The following ROBO1 variants were observed in gnomAD, a reference collection of about 807,000 sequenced individuals.
ROBO1 encodes the protein roundabout guidance receptor 1, also known as roundabout homolog 1.
A neutral mutation model predicts 195.9 loss-of-function variants in ROBO1; 149 were observed. That is an observed-to-expected ratio of 0.76 (90% CI 0.67 to 0.87). ROBO1 has a LOEUF of 0.87. Among genes scored for constraint, ROBO1 ranks in the 40% least tolerant of loss-of-function variants. The pLI, the probability that ROBO1 is intolerant of heterozygous loss-of-function variation, is 0.00. For synonymous variants in ROBO1, 816 were observed against 733.2 expected, an observed-to-expected ratio of 1.11 and a Z score of -1.82; for missense variants, 1,933 against 2,068.3, an observed-to-expected ratio of 0.93 and a Z score of 1.27.
chr3:79,099,180 C>T (rs2079628418), intron 3 of ROBO1, among the ~76,000 whole-genome samples: 2 of 151,608 alleles, frequency 1.3e-5, no homozygotes, highest in Admixed American at 6.6e-5. Flanking sequence ...CTTTTTCTGC[C>T]TCTAGATTGG....
At chr3:78,665,741 C>T (rs1364707359) in intron 14 of ROBO1, among the ~76,000 whole-genome samples, 1 of 152,016 alleles carries the variant, frequency 6.6e-6, no homozygotes, top group African/African-American at 2.4e-5. Context: ...TGTTTAGCCC[C>T]ATTTTATAGG....
rs200590399 is a variant in ROBO1 at position 78,614,723 on chromosome 3, C to A, written c.4360G>T (p.Val1454Leu). The A allele has an allele frequency of 1.3e-3, 2,139 of 1,613,088 alleles. 2 individuals are homozygous for A. Among genetic ancestry groups the A allele is most frequent in the Non-Finnish European group, 1.4e-3 (1,684 of 1,179,766 alleles). Residue 1454 changes from valine to leucine, a missense_variant, in exon 28 of 31, where the codon GTA becomes TTA. By Grantham distance (32) the Val-to-Leu change is conservative. Coordinates refer to ENST00000464233, the MANE Select transcript of ROBO1 (RefSeq NM_002941.4). The part of the protein sequence containing the change: ...VSTDSNMSAA[V>L]MQKTRPAKKL... Reference sequence around the variant, plus strand: ...TTGGCTGGTCTGGTTTTCTGCATTACGGCGGCACTCATGTTGCTGTCTGTA... The same window carrying A: ...TTGGCTGGTCTGGTTTTCTGCATTAAGGCGGCACTCATGTTGCTGTCTGTA...
chr3:78,628,173 C>T (rs1704936817), intron 25 of ROBO1, among the ~76,000 whole-genome samples: 1 of 152,056 alleles, frequency 6.6e-6, no homozygotes, highest in African/African-American at 2.4e-5. Flanking sequence ...AGGCTGGTCT[C>T]GAACTGCTGA....
intron 8 of ROBO1, among the ~76,000 whole-genome samples, chr3:78,701,330 GT>G (rs1455106304): frequency 6.6e-6 from 1 of 152,122 alleles, no homozygotes; most frequent in Non-Finnish European, 1.5e-5. Context: ...AAAATAACTT[GT>G]TCTGCATTTT....
At chr3:78,919,263 T>C (rs2038805797) in intron 4 of ROBO1, among the ~76,000 whole-genome samples, 2 of 152,146 alleles carry the variant, frequency 1.3e-5, no homozygotes. Flanking sequence ...GCTTAGACAG[T>C]GCAAGGCCAG....
rs995087622 is a variant in ROBO1, at chr3:79,055,118, T to C, written c.172+70338A>G. Among the ~76,000 whole-genome samples the C allele has an allele frequency of 6.6e-5, 10 of 152,072 alleles. No individual in the cohort carries two copies. The East Asian group carries it at 1.9e-3, about 30-fold the overall frequency. Reference sequence around the variant, plus strand: ...AAGGTTTGGTGGGCCTGGTGTTAGGTGGGGCATCCACCTCTGCTAAAGGAA... The same window carrying C: ...AAGGTTTGGTGGGCCTGGTGTTAGGCGGGGCATCCACCTCTGCTAAAGGAA... On this transcript the variant is annotated intron_variant, in intron 3 of 30. Coordinates refer to ENST00000464233, the MANE Select transcript of ROBO1 (RefSeq NM_002941.4).
chr3:78,865,664 G>T (rs970395715), intron 4 of ROBO1, among the ~76,000 whole-genome samples: 7 of 151,848 alleles, frequency 4.6e-5, no homozygotes, highest in African/African-American at 1.7e-4. Context: ...GTAGAGACGG[G>T]GTTTCACCGT....
At chr3:79,553,270 C>G (rs537677212) in intron 2 of ROBO1, among the ~76,000 whole-genome samples, 2 of 152,092 alleles carry the variant, frequency 1.3e-5, no homozygotes, top group Admixed American at 1.3e-4. Context: ...GATTTCAGCC[C>G]TGTCTTGCCT....
chr3:79,546,510 G>C (rs1024015960), intron 2 of ROBO1, among the ~76,000 whole-genome samples: 2 of 152,176 alleles, frequency 1.3e-5, no homozygotes, highest in Non-Finnish European at 2.9e-5. Flanking sequence ...TGATTTGTAA[G>C]AGTTAAGCGC....
At chr3:78,804,362 G>A (rs996025081) in intron 4 of ROBO1, among the ~76,000 whole-genome samples, 7 of 151,950 alleles carry the variant, frequency 4.6e-5, no homozygotes, top group Admixed American at 3.3e-4. Flanking sequence ...ATGGAGTTAA[G>A]CTACCCTCAT....
chr3:79,464,678 C>T (rs1396510980), intron 2 of ROBO1, among the ~76,000 whole-genome samples: 2 of 152,012 alleles, frequency 1.3e-5, no homozygotes, highest in East Asian at 1.9e-4. Flanking sequence ...ATATTTTTCC[C>T]ATTATTTTTC....
At chr3:79,619,337 C>A (rs541076981) in intron 1 of ROBO1, among the ~76,000 whole-genome samples, 2 of 152,208 alleles carry the variant, frequency 1.3e-5, no homozygotes, top group South Asian at 2.1e-4. Context: ...ACTCTCCATT[C>A]CCCCTTCTTC....
At chr3:78,737,667 C>T (rs1199800595) in intron 5 of ROBO1, among the ~76,000 whole-genome samples, 1 of 152,134 alleles carries the variant, frequency 6.6e-6, no homozygotes, top group Admixed American at 6.5e-5. Flanking sequence ...CTTTGTTCTA[C>T]TAATCCCCAG....
intron 2 of ROBO1, among the ~76,000 whole-genome samples, chr3:79,416,346 C>T (rs13090440): frequency 0.37 from 55,207 of 151,218 alleles, 10,733 homozygotes; most frequent in Admixed American, 0.49. Flanking sequence ...TGTCGCATGC[C>T]TGTAATCCTG....
Position 79,025,227 on chromosome 3 carries a change from T to C in ROBO1, c.173-86300A>G, listed in dbSNP as rs188644092. 1.5e-3 allele frequency among the ~76,000 whole-genome samples: 231 copies of C among 152,306 alleles called. 2 individuals carry two copies. Among genetic ancestry groups the C allele is most frequent in the Non-Finnish European group, 2.2e-3 (147 of 68,018 alleles). ...TTCATAAATCTGTGAACTCGCACTC[T>C]CCCTTCTCTCAAGTTTTTGTTTCAT... On this transcript the variant is annotated intron_variant, in intron 3 of 30. Coordinates refer to ENST00000464233, the MANE Select transcript of ROBO1 (RefSeq NM_002941.4).
At chr3:78,880,726 A>C (rs527848774) in intron 4 of ROBO1, among the ~76,000 whole-genome samples, 1 of 152,148 alleles carries the variant, frequency 6.6e-6, no homozygotes, top group Non-Finnish European at 1.5e-5. Flanking sequence ...TTTCAGTTCC[A>C]ATAGTGCTCC....
chr3:78,847,210 C>T (rs960621841), intron 4 of ROBO1, among the ~76,000 whole-genome samples: 10 of 152,038 alleles, frequency 6.6e-5, no homozygotes, highest in Admixed American at 3.3e-4. Flanking sequence ...TAAATGAAAT[C>T]ATATGGAGGA....
chr3:78,825,297 C>T (rs985572287), intron 4 of ROBO1, among the ~76,000 whole-genome samples: 2 of 152,238 alleles, frequency 1.3e-5, no homozygotes, highest in East Asian at 3.9e-4. Flanking sequence ...CATAACAAAA[C>T]GGTCTCTGGC....
At chr3:79,522,808 T>TC (rs1466185529) in intron 2 of ROBO1, among the ~76,000 whole-genome samples, 1 of 152,170 alleles carries the variant, frequency 6.6e-6, no homozygotes, top group Non-Finnish European at 1.5e-5. Context: ...AGAAAAAACT[T>TC]CAAGTTATGT....
Sources: gnomAD v4.1 joint callset for allele counts (sites outside exome capture counted in the v4.1 genomes callset) on GRCh38, gnomAD v4.1.1 for gene constraint, MANE v1.5 for transcripts, NCBI Gene and HGNC (gene_info 2026-07-23, HGNC 2026-07-21) for gene names.